The following SSR1 variants were observed in gnomAD, a reference collection of about 807,000 sequenced individuals.
SSR1 encodes the protein translocon-associated protein subunit alpha.
A neutral mutation model predicts 36.1 loss-of-function variants in SSR1; 13 were observed. The ratio of observed to expected loss-of-function variants is 0.36; its 90% CI spans 0.23 to 0.57. The LOEUF (loss-of-function observed/expected upper bound fraction) is 0.57, where lower values mean the gene tolerates loss of function less well. Ranked by LOEUF, SSR1 falls within the 20% of genes least tolerant of loss-of-function variation. The probability of loss-of-function intolerance (pLI) is 0.81; values close to 1 mark genes in which losing one functional copy is unlikely to be tolerated. For synonymous variants in SSR1, 113 were observed against 118.9 expected, an observed-to-expected ratio of 0.95 and a Z score of 0.32; for missense variants, 291 against 338.5, an observed-to-expected ratio of 0.86 and a Z score of 1.10.
Position 7,303,599 on chromosome 6 carries a change from A to G in SSR1, c.231T>C (p.Pro77=). The G allele has an allele frequency of 6.2e-7, 1 of 1,613,548 alleles. No homozygotes were observed. Among genetic ancestry groups the G allele is most frequent in the Non-Finnish European group, 8.5e-7 (1 of 1,179,730 alleles). The part of the protein sequence containing the change: ...DKEEEDVSGE[P]EASPSADTTI... ...TTGTATCTGCACTCGGTGAAGCTTC[A>G]GGTTCACCAGACACATCTTCTTCCT... is the stretch of plus-strand genomic sequence containing the variant. The change falls in exon 3 of 8, where the codon CCT becomes CCC. Residue 77 remains proline (P), a synonymous_variant. Coordinates refer to ENST00000244763, the MANE Select transcript of SSR1 (RefSeq NM_003144.5).
intron 4 of SSR1, among the ~76,000 whole-genome samples, chr6:7,299,420 C>T (rs1016996904): frequency 2.6e-5 from 4 of 152,090 alleles, no homozygotes; most frequent in South Asian, 2.1e-4. Flanking sequence ...ACAGTGGTGC[C>T]GGGTGCGGTG....
intron 7 of SSR1, among the ~76,000 whole-genome samples, chr6:7,290,410 T>C (rs1345138480): frequency 1.5e-5 from 1 of 68,940 alleles, no homozygotes; most frequent in Non-Finnish European, 2.9e-5. Context: ...GTATCTCCCA[T>C]ATGTTTGTTA....
intron 4 of SSR1, 114 bp downstream of exon 4, chr6:7,301,196 T>C: frequency 7.7e-7 from 1 of 1,294,402 alleles, no homozygotes; most frequent in Non-Finnish European, 1.1e-6. Flanking sequence ...CTGGTGGCTA[T>C]CACAGGTTCA....
chr6:7,298,520 A>AAT, intron 5 of SSR1: 1 of 478,114 alleles, frequency 2.1e-6, no homozygotes, highest in Non-Finnish European at 3.7e-6. Context: ...ACAGAAAGCC[A>AAT]ATACTAACTT....
intron 1 of SSR1, among the ~76,000 whole-genome samples, chr6:7,310,833 C>A (rs192643198): frequency 6.6e-6 from 1 of 152,246 alleles, no homozygotes; most frequent in Non-Finnish European, 1.5e-5. Context: ...ATCGCTTGAA[C>A]CCAGGAGGCA....
At chr6:7,295,699 ATTAC>A (rs1403588253) in intron 6 of SSR1, among the ~76,000 whole-genome samples, 1 of 152,166 alleles carries the variant, frequency 6.6e-6, no homozygotes, top group African/African-American at 2.4e-5. Context: ...CACCTATCAA[ATTAC>A]TTAATTTAAA....
intron 3 of SSR1, 46 bp downstream of exon 3, chr6:7,303,504 T>C: frequency 7.1e-7 from 1 of 1,416,388 alleles, no homozygotes; most frequent in Non-Finnish European, 9.8e-7. Flanking sequence ...AAGCTCATCG[T>C]TTTAAAATGC....
chr6:7,296,292 A>G (rs1757792972), intron 6 of SSR1, among the ~76,000 whole-genome samples: 2 of 152,248 alleles, frequency 1.3e-5, no homozygotes, highest in African/African-American at 4.8e-5. Context: ...ACCTAAGTAC[A>G]TGGAGAGATA....
chr6:7,311,985 T>C (rs1268904146), intron 1 of SSR1, among the ~76,000 whole-genome samples: 2 of 152,220 alleles, frequency 1.3e-5, no homozygotes, highest in Non-Finnish European at 2.9e-5. Context: ...TTAACAGTTG[T>C]TTAATTCTCC....
intron 2 of SSR1, among the ~76,000 whole-genome samples, chr6:7,305,176 C>T (rs779847625): frequency 7.2e-5 from 11 of 151,996 alleles, no homozygotes; most frequent in Non-Finnish European, 1.2e-4. Context: ...TAAAAACAAA[C>T]GGAAGAAGTA....
At chr6:7,306,614 T>C (rs1758060125) in intron 2 of SSR1, among the ~76,000 whole-genome samples, 1 of 151,692 alleles carries the variant, frequency 6.6e-6, no homozygotes, top group Non-Finnish European at 1.5e-5. Flanking sequence ...ATCAATGGGT[T>C]AGAAAAGCCC....
intron 2 of SSR1, among the ~76,000 whole-genome samples, chr6:7,309,112 G>C (rs1758130916): frequency 6.6e-6 from 1 of 152,118 alleles, no homozygotes; most frequent in Non-Finnish European, 1.5e-5. Flanking sequence ...AATTCACTTT[G>C]ATCACATTAA....
At chr6:7,294,898 G>A (rs1757760387) in intron 7 of SSR1, among the ~76,000 whole-genome samples, 3 of 152,106 alleles carry the variant, frequency 2.0e-5, no homozygotes, top group Non-Finnish European at 4.4e-5. Context: ...AAACTGAAAT[G>A]TATCTGTAAA....
intron 2 of SSR1, 25 bp downstream of exon 2, chr6:7,309,891 TA>T: frequency 6.8e-7 from 1 of 1,461,018 alleles, no homozygotes; most frequent in Non-Finnish European, 9.6e-7. Flanking sequence ...ACATTTTACA[TA>T]TATTAAATAG....
chr6:7,294,580 A>G (rs1247841309), intron 7 of SSR1, among the ~76,000 whole-genome samples: 2 of 152,114 alleles, frequency 1.3e-5, no homozygotes, highest in Non-Finnish European at 2.9e-5. Context: ...AATCCCAGCT[A>G]CTTGGGAAGC....
chr6:7,304,968 G>A (rs923356577), intron 2 of SSR1, among the ~76,000 whole-genome samples: 5 of 152,318 alleles, frequency 3.3e-5, no homozygotes, highest in South Asian at 2.1e-4. Flanking sequence ...GTGAAACTGT[G>A]TTGTAAGTTA....
intron 7 of SSR1, among the ~76,000 whole-genome samples, chr6:7,292,500 C>A (rs147480506): frequency 2.8e-4 from 43 of 152,318 alleles, no homozygotes; most frequent in African/African-American, 8.9e-4. Flanking sequence ...AACCCTGCTT[C>A]CAGCAGCTCC....
At chr6:7,292,047 TGACA>T (rs1269699735) in intron 7 of SSR1, among the ~76,000 whole-genome samples, 1 of 152,076 alleles carries the variant, frequency 6.6e-6, no homozygotes, top group African/African-American at 2.4e-5. Context: ...CCAGCCTGGG[TGACA>T]GAGTGAGATC....
rs1757861022 is a variant in SSR1 at position 7,298,829 on chromosome 6, T to G, written c.544-6A>C. ...GCATCTTGGAATACATTGCCCTGTTTAAGAAAATAAAATAATCAGAAAAAT... is the reference window on the plus strand; with the variant it reads ...GCATCTTGGAATACATTGCCCTGTTGAAGAAAATAAAATAATCAGAAAAAT... On this transcript the variant is annotated splice_polypyrimidine_tract_variant and splice_region_variant and intron_variant, in intron 4 of 7. Coordinates refer to ENST00000244763, the MANE Select transcript of SSR1 (RefSeq NM_003144.5). The G allele has an allele frequency of 2.5e-6, 4 of 1,608,620 alleles. No homozygotes were observed. Among genetic ancestry groups the G allele is most frequent in the Admixed American group, 3.3e-5 (2 of 59,788 alleles).
Sources: allele counts gnomAD v4.1 joint callset (sites outside exome capture counted in the v4.1 genomes callset), GRCh38; gene constraint gnomAD v4.1.1; transcripts MANE v1.5; gene names NCBI Gene and HGNC (gene_info 2026-07-23, HGNC 2026-07-21).